The following NHSL3 variants were observed in gnomAD, a reference collection of about 807,000 sequenced individuals.
NHSL3 encodes the protein NHS-like protein 3.
the NHSL3 span, among the ~76,000 whole-genome samples, chr1:32,752,948 C>CAT: frequency 7.7e-3 from 248 of 32,192 alleles, 9 homozygotes; most frequent in African/African-American, 0.035. Context: ...CACACACACA[C>CAT]ACATATATAT....
chr1:32,768,288 T>C, the NHSL3 span, among the ~76,000 whole-genome samples: 1 of 152,102 alleles, frequency 6.6e-6, no homozygotes, highest in African/African-American at 2.4e-5. Context: ...GGAGGGGATC[T>C]GTGACTCAAA....
chr1:32,774,051 C>T, the NHSL3 span: 7 of 152,666 alleles, frequency 4.6e-5, no homozygotes, highest in African/African-American at 1.7e-4. Flanking sequence ...TAGGTATCAG[C>T]CTCTCTTACT....
At chr1:32,772,273 G>C in the NHSL3 span, 1 of 1,603,570 alleles carries the variant, frequency 6.2e-7, no homozygotes, top group Non-Finnish European at 8.5e-7. Flanking sequence ...GCCGTCTGTG[G>C]GAGTCCCCCC....
the NHSL3 span, among the ~76,000 whole-genome samples, chr1:32,768,320 G>A: frequency 6.6e-6 from 1 of 152,118 alleles, no homozygotes; most frequent in African/African-American, 2.4e-5. Context: ...GAGGCTGGGC[G>A]AGGTGGCTTA....
At chr1:32,766,164 G>A in the NHSL3 span, among the ~76,000 whole-genome samples, 1 of 152,080 alleles carries the variant, frequency 6.6e-6, no homozygotes, top group Admixed American at 6.5e-5. Flanking sequence ...AGTGTGCCGG[G>A]GAGGATGGGA....
the NHSL3 span, among the ~76,000 whole-genome samples, chr1:32,753,764 C>T: frequency 1.3e-5 from 2 of 152,238 alleles, no homozygotes; most frequent in Non-Finnish European, 2.9e-5. Flanking sequence ...GAGCGGTAGC[C>T]TCTGGGCTGA....
chr1:32,769,953 A>G, the NHSL3 span: 2 of 1,607,342 alleles, frequency 1.2e-6, no homozygotes, highest in South Asian at 1.1e-5. Flanking sequence ...GCATCCCCAC[A>G]GTGGACGGCC....
At chr1:32,747,640 G>A in the NHSL3 span, among the ~76,000 whole-genome samples, 2 of 152,118 alleles carry the variant, frequency 1.3e-5, no homozygotes, top group African/African-American at 2.4e-5. Flanking sequence ...ATAAGACACT[G>A]AGACCCAGTG....
chr1:32,756,616 C>T, the NHSL3 span, among the ~76,000 whole-genome samples: 1 of 144,778 alleles, frequency 6.9e-6, no homozygotes, highest in Admixed American at 7.1e-5. Flanking sequence ...CCGATCGTGC[C>T]AGTGCACTCC....
chr1:32,770,446 G>C, the NHSL3 span: 1 of 1,606,768 alleles, frequency 6.2e-7, no homozygotes, highest in African/African-American at 1.3e-5. This position sits in a 1 kb window ranked among gnomAD's most constrained non-coding sequence, Gnocchi z 8.3. Context: ...TCAATCCTCC[G>C]ACACCATTGT....
At chr1:32,758,545 G>A in the NHSL3 span, among the ~76,000 whole-genome samples, 3 of 151,964 alleles carry the variant, frequency 2.0e-5, no homozygotes, top group Non-Finnish European at 4.4e-5. Context: ...TCAACTGCTT[G>A]GGTGACTTGC....
the NHSL3 span, among the ~76,000 whole-genome samples, chr1:32,767,485 G>A: frequency 1.3e-5 from 2 of 152,024 alleles, no homozygotes; most frequent in East Asian, 1.9e-4. Context: ...TGCTGTGTAC[G>A]TACACAGTAG....
the NHSL3 span, chr1:32,770,198 C>T: frequency 1.2e-5 from 20 of 1,604,060 alleles, no homozygotes; most frequent in Middle Eastern, 1.7e-4. The surrounding 1 kb of genome is among the most constrained non-coding windows in gnomAD (Gnocchi z 8.3). Context: ...CCCCTGAGCC[C>T]GGCCATGTCC....
chr1:32,774,544 G>A, the NHSL3 span: 1 of 152,350 alleles, frequency 6.6e-6, no homozygotes, highest in Non-Finnish European at 1.5e-5. Flanking sequence ...TCCAGGACTG[G>A]GTCAAAGCTG....
the NHSL3 span, among the ~76,000 whole-genome samples, chr1:32,756,780 C>A: frequency 8.6e-5 from 13 of 151,972 alleles, no homozygotes; most frequent in East Asian, 2.1e-3. Flanking sequence ...ACCAGCCCAG[C>A]CAACATGGTG....
At chr1:32,742,229 C>T in the NHSL3 span, 1 of 1,238,064 alleles carries the variant, frequency 8.1e-7, no homozygotes. Context: ...GGGGGGGCGT[C>T]GAGGGTGCGG....
chr1:32,762,105 TTATTG>T, the NHSL3 span, among the ~76,000 whole-genome samples: 1 of 152,196 alleles, frequency 6.6e-6, no homozygotes, highest in Non-Finnish European at 1.5e-5. Flanking sequence ...CTTCTTAGGA[TTATTG>T]TTTAGATCTC....
the NHSL3 span, chr1:32,770,573 G>T: frequency 6.6e-7 from 1 of 1,524,096 alleles, no homozygotes; most frequent in Non-Finnish European, 8.8e-7. This position sits in a 1 kb window ranked among gnomAD's most constrained non-coding sequence, Gnocchi z 8.3. Context: ...GGCTCTCCCA[G>T]TGGGGGCAGC....
the NHSL3 span, among the ~76,000 whole-genome samples, chr1:32,747,219 T>C: frequency 6.6e-6 from 1 of 150,984 alleles, no homozygotes; most frequent in Non-Finnish European, 1.5e-5. Context: ...AGAGTCTCAC[T>C]CTGTCGCCCA....
Sources: gnomAD v4.1 joint callset for allele counts (sites outside exome capture counted in the v4.1 genomes callset) on GRCh38, gnomAD v4.1.1 for gene constraint, Gnocchi (gnomAD v3.1) non-coding constraint, MANE v1.5 for transcripts, NCBI Gene and HGNC (gene_info 2026-07-23, HGNC 2026-07-21) for gene names.